BIRC6: variants seen among roughly 807,000 people sequenced by gnomAD.
BIRC6 encodes the protein baculoviral IAP repeat containing 6, also known as dual E2 ubiquitin-conjugating enzyme/E3 ubiquitin-protein ligase BIRC6.
A neutral mutation model predicts 503.3 loss-of-function variants in BIRC6; 98 were observed. The ratio of observed to expected loss-of-function variants is 0.19; its 90% CI spans 0.17 to 0.23. The LOEUF (loss-of-function observed/expected upper bound fraction) is 0.23, where lower values mean the gene tolerates loss of function less well. Ranked by LOEUF, BIRC6 falls within the 10% of genes least tolerant of loss-of-function variation. The probability of loss-of-function intolerance (pLI) is 1.00; values close to 1 mark genes in which losing one functional copy is unlikely to be tolerated. For missense variants in BIRC6, 5,360 were observed against 5,806.0 expected, an observed-to-expected ratio of 0.92 and a Z score of 2.50; for synonymous variants, 2,240 against 2,078.7, an observed-to-expected ratio of 1.08 and a Z score of -2.11.
At chr2:32,611,664 TGGGA>T in intron 73 of BIRC6, 82 bp downstream of exon 73, 4 of 1,289,500 alleles carry the variant, frequency 3.1e-6, no homozygotes, top group Non-Finnish European at 3.1e-6. Context: ...CAGAAGATAA[TGGGA>T]GGGAGGGAAT....
At chr2:32,500,152 A>G (rs2052977533) in intron 46 of BIRC6, 43 bp downstream of exon 46, 3 of 1,488,328 alleles carry the variant, frequency 2.0e-6, no homozygotes, top group Non-Finnish European at 2.7e-6. Context: ...CTCTGATACT[A>G]TAACTGGTTT....
In BIRC6 at chr2:32,448,434, C is replaced by T. The variant is rs553056537; in HGVS notation, c.4485-361C>T. On this transcript the variant is annotated intron_variant, in intron 21 of 73. Coordinates refer to ENST00000421745, the MANE Select transcript of BIRC6 (RefSeq NM_016252.4). ...GAGGCCGAGGCTGGCGGATCACTCG[C>T]GGTTAGGAGCTGGAGACCAGCCCGG... 1.8e-4 allele frequency among the ~76,000 whole-genome samples: 27 copies of T among 151,012 alleles called. No homozygotes were observed. In the South Asian group the frequency reaches 3.6e-3, roughly 20 times the overall value.
At chr2:32,458,866 G>A (rs757657252) in intron 23 of BIRC6, among the ~76,000 whole-genome samples, 3 of 151,258 alleles carry the variant, frequency 2.0e-5, no homozygotes, top group Non-Finnish European at 4.4e-5. Context: ...ATTTTTTTAT[G>A]TTTAGCATAA....
At position 32,445,587 on chromosome 2, in the gene BIRC6, C is replaced by A; in HGVS notation, c.4403C>A (p.Thr1468Lys). The change falls in exon 21 of 74, where the codon ACA (threonine) becomes AAA (lysine). Residue 1468 changes from threonine to lysine, a missense_variant. Physicochemically the swap from Thr to Lys is moderately conservative, Grantham distance 78. Transcript: ENST00000421745. ...GATGAAGATCTGGCTGGATGCAGTA[C>A]AGCTTGTGCATCTTTGCTTACTGCA... ...VKDEDLAGCS[T>K]ACASLLTAVS... 9.3e-6 allele frequency: 15 copies of A among 1,606,468 alleles called. No homozygotes were observed. The highest frequency in any genetic ancestry group is 1.3e-5 in the Non-Finnish European group (15 of 1,176,032).
At chr2:32,614,443 G>A (rs958743167) in intron 73 of BIRC6, among the ~76,000 whole-genome samples, 2 of 152,136 alleles carry the variant, frequency 1.3e-5, no homozygotes, top group Non-Finnish European at 2.9e-5. Context: ...TATTTCTTCT[G>A]TGTCACTGTC....
intron 66 of BIRC6, among the ~76,000 whole-genome samples, chr2:32,581,635 A>G (rs779961445): frequency 1.8e-4 from 27 of 152,216 alleles, no homozygotes; most frequent in Non-Finnish European, 1.6e-4. Context: ...AACATGAGTG[A>G]ACCATTTACT....
chr2:32,415,734 C>T lies in BIRC6; in HGVS notation c.2443C>T (p.Pro815Ser), dbSNP rs1035745311. Residue 815 changes from proline to serine, a missense_variant, in exon 10 of 74, where the codon CCT becomes TCT. Transcript: ENST00000421745. ...TGTACAGACTCCTTTAATAATTCAGCCTGAGCAGAGGAATGTTAGTGGTGG... is the reference window on the plus strand; with the variant it reads ...TGTACAGACTCCTTTAATAATTCAGTCTGAGCAGAGGAATGTTAGTGGTGG... ...ADVQTPLIIQ[P>S]EQRNVSGGYL... 1.9e-6 allele frequency: 3 copies of T among 1,613,722 alleles called. No homozygotes were observed. The highest frequency in any genetic ancestry group is 2.5e-6 in the Non-Finnish European group (3 of 1,179,832).
chr2:32,580,745 GTA>G (rs1198421218), intron 66 of BIRC6, among the ~76,000 whole-genome samples: 3 of 152,162 alleles, frequency 2.0e-5, no homozygotes, highest in African/African-American at 7.2e-5. Context: ...AGATAGAGCT[GTA>G]TATGTCTTCT....
rs764577645 is a variant in BIRC6 at position 32,415,900 on chromosome 2, G to A, written c.2609G>A (p.Arg870Gln). ...CTTCCACCCGATATATTGGATAATC[G>A]AGAGGATGACTGTGAGGAACCTATT... ...ILLPPDILDN[R>Q]EDDCEEPIED... The change falls in exon 10 of 74, where the codon CGA becomes CAA. Residue 870 changes from arginine (R) to glutamine (Q), a missense_variant. This residue lies in a region of BIRC6 where 700 missense variants were observed against 739.3 expected (regional missense o/e 0.95). Coordinates refer to ENST00000421745, the MANE Select transcript of BIRC6 (RefSeq NM_016252.4). 54 of 1,613,820 alleles carry A rather than the reference G, an allele frequency of 3.3e-5. No individual in the cohort carries two copies. Among genetic ancestry groups the A allele is most frequent in the Non-Finnish European group, 4.2e-5 (50 of 1,179,886 alleles).
At chr2:32,559,183 C>T (rs1309312553) in intron 65 of BIRC6, among the ~76,000 whole-genome samples, 1 of 152,228 alleles carries the variant, frequency 6.6e-6, no homozygotes, top group East Asian at 1.9e-4. Flanking sequence ...GCATCTGTAG[C>T]TGTTGATGAC....
chr2:32,535,993 G>C (rs893721839), intron 61 of BIRC6, among the ~76,000 whole-genome samples: 1 of 152,016 alleles, frequency 6.6e-6, no homozygotes, highest in Non-Finnish European at 1.5e-5. Context: ...TTAATGTTCG[G>C]CATTCTAAGT....
rs1246201230 is a variant in BIRC6 at position 32,493,756 on chromosome 2, A to G, written c.8468+89A>G. The G allele has an allele frequency of 2.0e-5, 22 of 1,094,976 alleles. 1 individual carries two copies. Among genetic ancestry groups the G allele is most frequent in the Non-Finnish European group, 2.9e-5 (22 of 771,870 alleles). The allele number at this position is 1,094,976 out of a possible 1,614,324, so 67.8% of individuals were successfully genotyped here. ...TTTCTTTAACATTTGTTGGGAATTT[A>G]TCTGTGAACAAATAAGCAGGAGGAC... On this transcript the variant is annotated intron_variant, in intron 45 of 73. Transcript: ENST00000421745.
intron 1 of BIRC6, among the ~76,000 whole-genome samples, chr2:32,369,047 G>C (rs1217103510): frequency 6.6e-6 from 1 of 152,190 alleles, no homozygotes. Context: ...TGTGCTTTTA[G>C]GTAGTCTTGG....
intron 23 of BIRC6, among the ~76,000 whole-genome samples, chr2:32,462,662 C>G (rs541506125): frequency 1.8e-4 from 27 of 152,238 alleles, no homozygotes; most frequent in South Asian, 4.1e-4. Flanking sequence ...TATTTGCAAA[C>G]TCATCATTGC....
At chr2:32,491,627 G>A (rs2051722675) in intron 44 of BIRC6, 69 bp downstream of exon 44, 1 of 1,483,996 alleles carries the variant, frequency 6.7e-7, no homozygotes, top group Non-Finnish European at 9.1e-7. Context: ...GTAAAGCTAT[G>A]TAACTTTTTT....
chr2:32,377,685 T>A lies in BIRC6; in HGVS notation c.423T>A (p.Asn141Lys). Residue 141 changes from asparagine (N) to lysine (K), a missense_variant, in exon 2 of 74, where the codon AAT (asparagine) becomes AAA (lysine). Physicochemically the swap from Asn to Lys is moderately conservative, Grantham distance 94. Coordinates refer to ENST00000421745, the MANE Select transcript of BIRC6 (RefSeq NM_016252.4). ...CAGTAGGGTGTAGGAAGGACCTTAA[T>A]GGAATCTTGTTGTTAGACACTGCTC... ...DYAVGCRKDL[N>K]GILLLDTALQ... The A allele has an allele frequency of 6.2e-7, 1 of 1,613,720 alleles. No individual in the cohort carries two copies. Among genetic ancestry groups the A allele is most frequent in the South Asian group, 1.1e-5 (1 of 91,074 alleles).
chr2:32,426,204 T>G (rs1255492366), intron 10 of BIRC6, among the ~76,000 whole-genome samples: 2 of 152,224 alleles, frequency 1.3e-5, no homozygotes, highest in Non-Finnish European at 2.9e-5. Flanking sequence ...GTGGTTTAAT[T>G]AATAATACAA....
intron 8 of BIRC6, among the ~76,000 whole-genome samples, chr2:32,405,784 G>GAA (rs2041140772): frequency 6.6e-6 from 1 of 152,186 alleles, no homozygotes; most frequent in African/African-American, 2.4e-5. Context: ...GTTTTAGGCT[G>GAA]TCCTGAATTC....
intron 1 of BIRC6, among the ~76,000 whole-genome samples, chr2:32,358,956 T>G (rs538900187): frequency 1.3e-5 from 2 of 152,330 alleles, no homozygotes; most frequent in East Asian, 3.9e-4. Context: ...TTGGATGTCT[T>G]TCTTTTTAAA....
Sources: allele counts gnomAD v4.1 joint callset (sites outside exome capture counted in the v4.1 genomes callset), GRCh38; gene constraint gnomAD v4.1.1; regional missense constraint gnomAD v4.1.1; transcripts MANE v1.5; gene names NCBI Gene and HGNC (gene_info 2026-07-23, HGNC 2026-07-21).